TRMT10B: variants seen among roughly 807,000 people sequenced by gnomAD.
TRMT10B encodes the protein tRNA methyltransferase 10 homolog B.
In TRMT10B, 33 loss-of-function variants were observed where a neutral mutation model predicts 43.8. The observed-to-expected ratio is 0.75, with a 90% CI of 0.57 to 1.01. The LOEUF (loss-of-function observed/expected upper bound fraction) is 1.01. TRMT10B is among the 50% of genes least tolerant of loss of function. The probability of loss-of-function intolerance (pLI) is 0.00; values close to 1 mark genes in which losing one functional copy is unlikely to be tolerated. For missense variants in TRMT10B, 362 were observed against 369.8 expected (o/e 0.98, Z 0.17); for synonymous variants, 137 against 130.6 (o/e 1.05, Z -0.34).
At position 37,769,972 on chromosome 9, in the gene TRMT10B, T is replaced by G. The variant is rs1179019406; in HGVS notation, c.605T>G (p.Leu202Ter). 1 of 1,614,082 alleles carries G rather than the reference T, an allele frequency of 6.2e-7. No individual in the cohort carries two copies. The highest frequency in any genetic ancestry group is 8.5e-7 in the Non-Finnish European group (1 of 1,180,024). Reference protein sequence around the residue: ...LDITEEDCFSLFPLETLVYLT... With the variant: ...LDITEEDCFS ...ATAACAGAAGAAGACTGCTTTAGTT[T>G]ATTTCCCTTGGAAACCCTTGTGTAC... Residue 202 changes from leucine to a stop codon, truncating the protein, a stop_gained, in exon 6 of 9, where the codon TTA becomes TGA. Transcript: ENST00000297994. LOFTEE classifies it high-confidence loss of function.
At chr9:37,767,779 T>A (rs1358844339) in intron 4 of TRMT10B, among the ~76,000 whole-genome samples, 1 of 152,160 alleles carries the variant, frequency 6.6e-6, no homozygotes, top group Non-Finnish European at 1.5e-5. Flanking sequence ...ACTTAAATAG[T>A]ATTACATAAG....
chr9:37,760,527 A>G (rs573439944), intron 1 of TRMT10B, among the ~76,000 whole-genome samples: 83 of 152,330 alleles, frequency 5.4e-4, no homozygotes, highest in African/African-American at 1.8e-3. Context: ...CAAAAATAGT[A>G]ATAATACGGA....
chr9:37,772,358 C>G (rs1051329361), intron 7 of TRMT10B, among the ~76,000 whole-genome samples: 1 of 151,652 alleles, frequency 6.6e-6, no homozygotes, highest in African/African-American at 2.4e-5. Flanking sequence ...CACTTTGTTG[C>G]CCAGACTAGT....
Position 37,778,002 on chromosome 9 carries a change from CTCAA to C in TRMT10B, c.*296_*299del, listed in dbSNP as rs1828367106. On this transcript the variant is annotated 3_prime_UTR_variant, in exon 9 of 9. Transcript: ENST00000297994. ...CCTGGGTGACAGAGCAAGACTCCAT[CTCAA>C]AAAAAAAATAAATAAAAAAAAATGC... The C allele has an allele frequency of 1.9e-5, 4 of 210,222 alleles. No individual in the cohort carries two copies. In the South Asian group the frequency reaches 3.4e-4, roughly 18 times the overall value. The allele number at this position is 210,222 out of a possible 1,614,324, so 13.0% of individuals were successfully genotyped here.
chr9:37,763,154 A>AAC (rs1826576621), intron 3 of TRMT10B, among the ~76,000 whole-genome samples: 3 of 118,112 alleles, frequency 2.5e-5, no homozygotes, highest in East Asian at 2.3e-4. Flanking sequence ...AAAAAAAAAA[A>AAC]AAAAAAAAAA....
chr9:37,761,623 A>G (rs1468123282), intron 1 of TRMT10B, among the ~76,000 whole-genome samples: 2 of 152,190 alleles, frequency 1.3e-5, no homozygotes, highest in Non-Finnish European at 2.9e-5. Flanking sequence ...ACTGGAATTC[A>G]GGAGGCAGAG....
At chr9:37,763,791 T>A in intron 4 of TRMT10B, 38 bp downstream of exon 4, 1 of 1,612,736 alleles carries the variant, frequency 6.2e-7, no homozygotes, top group Non-Finnish European at 8.5e-7. Flanking sequence ...CTGCTCGCCA[T>A]GAGGGAGGCC....
rs752750382 is a variant in TRMT10B at position 37,768,252 on chromosome 9, T to A, written c.573+24T>A. The A allele has an allele frequency of 1.8e-5, 29 of 1,587,820 alleles. No homozygotes were observed. In the South Asian group the frequency reaches 3.2e-4, roughly 18 times the overall value. On this transcript the variant is annotated intron_variant, in intron 5 of 8. Transcript: ENST00000297994. ...TGGTAAGTCTCTTTTTGCATATTAT[T>A]TGAATTGTCATCTGAAAAGTTATTG...
chr9:37,765,278 G>A (rs1222778973), intron 4 of TRMT10B, among the ~76,000 whole-genome samples: 1 of 152,016 alleles, frequency 6.6e-6, no homozygotes, highest in Admixed American at 6.5e-5. Context: ...TCCCTGGTGT[G>A]TGATGTTCCC....
chr9:37,768,219 T>C lies in TRMT10B; in HGVS notation c.564T>C (p.Ser188=). The C allele has an allele frequency of 6.2e-7, 1 of 1,612,692 alleles. No homozygotes were observed. The highest frequency in any genetic ancestry group is 8.5e-7 in the Non-Finnish European group (1 of 1,179,034). Residue 188 remains serine, a synonymous_variant, in exon 5 of 9, where the codon TCT becomes TCC. Transcript: ENST00000297994. ...EECVRMNDGF[S]SYLLDITEED... ...GTGTGAGGATGAATGATGGATTTTC[T>C]AGTTACCTGGTAAGTCTCTTTTTGC...
intron 4 of TRMT10B, among the ~76,000 whole-genome samples, chr9:37,766,758 C>T (rs1018864732): frequency 2.6e-5 from 4 of 152,132 alleles, no homozygotes; most frequent in African/African-American, 7.2e-5. Context: ...TTTCATTGAG[C>T]AGTGGTTTGT....
At chr9:37,769,106 G>A (rs1031236239) in intron 5 of TRMT10B, among the ~76,000 whole-genome samples, 1 of 151,940 alleles carries the variant, frequency 6.6e-6, no homozygotes, top group Admixed American at 6.6e-5. Flanking sequence ...TCAGGAGCTC[G>A]AGACTAGCCT....
Position 37,762,064 on chromosome 9 carries a change from G to A in TRMT10B, c.133G>A (p.Gly45Ser), listed in dbSNP as rs1489537470. 6.2e-7 allele frequency: 1 copy of A among 1,614,058 alleles called. No individual in the cohort carries two copies. Among genetic ancestry groups the A allele is most frequent in the Admixed American group, 1.7e-5 (1 of 59,996 alleles). The change falls in exon 2 of 9, where the codon GGC becomes AGC. Residue 45 changes from glycine (G) to serine (S), a missense_variant. Gly to Ser is a moderately conservative substitution (Grantham distance 56). Coordinates refer to ENST00000297994, the MANE Select transcript of TRMT10B (RefSeq NM_144964.4). ...CCAGCTTCTGCAGATCGATGCGGAA[G>A]GCGAGTGCCAGGAGGGAGAGATCCT... is the stretch of plus-strand genomic sequence containing the variant. ...GFQLLQIDAE[G>S]ECQEGEILAT...
intron 8 of TRMT10B, among the ~76,000 whole-genome samples, chr9:37,776,907 A>C (rs1364566397): frequency 6.6e-6 from 1 of 150,406 alleles, no homozygotes; most frequent in Non-Finnish European, 1.5e-5. Context: ...AAAAACAAAA[A>C]AAAAAGCTGG....
intron 3 of TRMT10B, among the ~76,000 whole-genome samples, chr9:37,763,386 AC>A (rs1826626009): frequency 6.6e-6 from 1 of 152,126 alleles, no homozygotes; most frequent in South Asian, 2.1e-4. Context: ...AAATTAAGTA[AC>A]ATAATTATGC....
chr9:37,778,395 GTC>G lies in TRMT10B; in HGVS notation c.*691_*692del, dbSNP rs1828406360. The G allele has an allele frequency of 6.6e-6, 1 of 152,032 alleles. No individual in the cohort carries two copies. The highest frequency in any genetic ancestry group is 6.6e-5 in the Admixed American group (1 of 15,240). The allele number at this position is 152,032 out of a possible 1,614,324, so 9.4% of individuals were successfully genotyped here. ...CTGGGCATGGTGGTGCGTGCCTGTA[GTC>G]TCAGCTACTCAGGAGGCTGAGGCAG... On this transcript the variant is annotated 3_prime_UTR_variant, in exon 9 of 9. Coordinates refer to ENST00000297994, the MANE Select transcript of TRMT10B (RefSeq NM_144964.4).
chr9:37,764,654 C>G (rs1054396423), intron 4 of TRMT10B, among the ~76,000 whole-genome samples: 1 of 151,838 alleles, frequency 6.6e-6, no homozygotes, highest in Non-Finnish European at 1.5e-5. Context: ...AAACTCCTGT[C>G]CTCAGGTGAT....
At chr9:37,758,279 G>T (rs901915500) in intron 1 of TRMT10B, among the ~76,000 whole-genome samples, 1 of 152,142 alleles carries the variant, frequency 6.6e-6, no homozygotes, top group Non-Finnish European at 1.5e-5. Context: ...GGGCATGGTG[G>T]TGTGCACCTG....
chr9:37,755,598 T>A (rs889819545), intron 1 of TRMT10B, among the ~76,000 whole-genome samples: 4 of 152,172 alleles, frequency 2.6e-5, no homozygotes, highest in Non-Finnish European at 5.9e-5. Context: ...ACAACAGAGA[T>A]ACAAAGATAC....
Sources: gnomAD v4.1 joint callset for allele counts (sites outside exome capture counted in the v4.1 genomes callset) on GRCh38, gnomAD v4.1.1 for gene constraint, MANE v1.5 for transcripts, NCBI Gene and HGNC (gene_info 2026-07-23, HGNC 2026-07-21) for gene names.